The following WFDC1 variants were observed in gnomAD, a reference collection of about 807,000 sequenced individuals.
WFDC1 encodes WAP four-disulfide core domain protein 1.
In WFDC1, 39 loss-of-function variants were observed where a neutral mutation model predicts 32.9. The ratio of observed to expected loss-of-function variants is 1.19; its 90% CI spans 0.92 to 1.55. WFDC1 has a LOEUF of 1.55. Among genes scored for constraint, WFDC1 ranks in the 40% most tolerant of loss-of-function variants. The pLI is 0.00. For synonymous variants in WFDC1, 184 were observed against 137.4 expected (o/e 1.34, Z -2.37); for missense variants, 386 against 309.5 (o/e 1.25, Z -1.85).
At chr16:84,319,674 C>A in intron 4 of WFDC1, 103 bp downstream of exon 4, 1 of 1,482,978 alleles carries the variant, frequency 6.7e-7, no homozygotes, top group Non-Finnish European at 9.0e-7. Context: ...GAAGCAGCCC[C>A]AGCACCTGGG....
intron 1 of WFDC1, 77 bp downstream of exon 1, chr16:84,295,192 A>G (rs1906520905): frequency 6.4e-7 from 1 of 1,555,688 alleles, no homozygotes; most frequent in Non-Finnish European, 8.7e-7. Flanking sequence ...ATCCCTAGAC[A>G]CTGCCTTCTC....
At chr16:84,298,592 C>T (rs1034237369) in intron 1 of WFDC1, among the ~76,000 whole-genome samples, 2 of 152,150 alleles carry the variant, frequency 1.3e-5, no homozygotes, top group African/African-American at 2.4e-5. Context: ...AGTATTTACA[C>T]CTTGGAAATT....
Position 84,326,910 on chromosome 16 carries a change from TG to T in WFDC1, c.635del (p.Gly212GlufsTer16). On this transcript the variant is annotated frameshift_variant, in exon 6 of 7. Transcript: ENST00000219454. LOFTEE classifies it high-confidence loss of function. ...GTGACTCAAAGAATGTGGCAGAACC[TG>T]GAAGGGGACAACAGAAGCACTTTCA... is the stretch of plus-strand genomic sequence containing the variant. Reference protein sequence around the residue: ...EGDSKNVAEPGRGQQKHFQ With the variant: ...EGDSKNVAEPXRGQQKHFQ 1 of 1,614,016 alleles carries T rather than the reference TG, an allele frequency of 6.2e-7. No homozygotes were observed. Among genetic ancestry groups the T allele is most frequent in the Non-Finnish European group, 8.5e-7 (1 of 1,180,002 alleles).
chr16:84,299,205 A>G (rs1004323436), intron 1 of WFDC1, among the ~76,000 whole-genome samples: 2 of 150,750 alleles, frequency 1.3e-5, no homozygotes, highest in Non-Finnish European at 2.9e-5. Context: ...TACTAAAAAT[A>G]CAAAAAAAAT....
rs775797257 is a variant in WFDC1, at chr16:84,295,114, G to A, written c.143G>A (p.Arg48His). Residue 48 changes from arginine (R) to histidine (H), a missense_variant and splice_region_variant, in exon 1 of 7, where the codon CGT becomes CAT. By Grantham distance (29) the Arg-to-His change is conservative. Transcript: ENST00000219454. ...ALPARLAEKS[R>H]AEEAGAPGGP... ...CCTGCGAGGCTGGCCGAGAAATCCC[G>A]TGTAAGTGCCTGGGATGGGGAGGCT... 14 of 1,613,644 alleles carry A rather than the reference G, an allele frequency of 8.7e-6. No individual in the cohort carries two copies. The highest frequency in any genetic ancestry group is 3.3e-5 in the Admixed American group (2 of 59,990).
At chr16:84,308,094 G>A (rs747329070) in intron 1 of WFDC1, among the ~76,000 whole-genome samples, 7 of 152,166 alleles carry the variant, frequency 4.6e-5, no homozygotes, top group African/African-American at 1.7e-4. Context: ...TAAAAAGAAG[G>A]GTTCTCTGGG....
At chr16:84,303,478 TAAAA>T (rs34066941) in intron 1 of WFDC1, among the ~76,000 whole-genome samples, 2 of 142,410 alleles carry the variant, frequency 1.4e-5, no homozygotes, top group East Asian at 4.2e-4. Context: ...ATGTTTACTG[TAAAA>T]AAAAAAAAAA....
intron 1 of WFDC1, chr16:84,295,800 C>T (rs553725431): frequency 1.3e-5 from 2 of 152,440 alleles, no homozygotes; most frequent in South Asian, 2.1e-4. Flanking sequence ...AGCTGCTTGA[C>T]GTCTCTGAAC....
intron 3 of WFDC1, chr16:84,319,028 T>C: frequency 4.4e-6 from 1 of 227,328 alleles, no homozygotes. Context: ...TGTGCAGGAT[T>C]TGTGTGTGGG....
intron 1 of WFDC1, among the ~76,000 whole-genome samples, chr16:84,310,146 G>T (rs1907525626): frequency 6.6e-6 from 1 of 151,974 alleles, no homozygotes; most frequent in African/African-American, 2.4e-5. Context: ...AAATGCGATG[G>T]CGGATTTCTA....
intron 1 of WFDC1, among the ~76,000 whole-genome samples, chr16:84,299,680 T>G (rs950382621): frequency 7.2e-5 from 11 of 152,168 alleles, no homozygotes; most frequent in African/African-American, 2.7e-4. Context: ...GCCTCGGTGC[T>G]ATGCAGCCCC....
intron 1 of WFDC1, among the ~76,000 whole-genome samples, chr16:84,296,119 G>C (rs1259061397): frequency 6.6e-6 from 1 of 152,192 alleles, no homozygotes; most frequent in African/African-American, 2.4e-5. Flanking sequence ...CGCAGGGACG[G>C]AGTGAGCCAG....
At chr16:84,300,066 C>T (rs1260688075) in intron 1 of WFDC1, among the ~76,000 whole-genome samples, 2 of 152,194 alleles carry the variant, frequency 1.3e-5, no homozygotes, top group Non-Finnish European at 2.9e-5. Context: ...TTATTTTTTG[C>T]TGAGATAGCA....
intron 1 of WFDC1, among the ~76,000 whole-genome samples, chr16:84,305,809 C>T (rs1488620209): frequency 6.6e-6 from 1 of 151,618 alleles, no homozygotes; most frequent in Non-Finnish European, 1.5e-5. Flanking sequence ...CAAGACCATC[C>T]TGGGCAACAA....
chr16:84,319,249 T>G, intron 3 of WFDC1, 182 bp from the exon 4 acceptor site: 1 of 694,830 alleles, frequency 1.4e-6, no homozygotes, highest in South Asian at 2.0e-5. Flanking sequence ...TGTGCACGTG[T>G]GCCACATGCC....
At chr16:84,326,798 A>C (rs964251421) in intron 5 of WFDC1, 84 bp from the exon 6 acceptor site, 10 of 1,553,208 alleles carry the variant, frequency 6.4e-6, no homozygotes, top group African/African-American at 5.5e-5. Flanking sequence ...ACCAGGCTTC[A>C]TTTGGCAGTT....
chr16:84,320,741 CT>C (rs914776338), intron 4 of WFDC1, among the ~76,000 whole-genome samples: 15 of 152,184 alleles, frequency 9.9e-5, no homozygotes, highest in Non-Finnish European at 2.2e-4. Context: ...CCAGGGGCCC[CT>C]GTCCCCGCTT....
At chr16:84,318,392 C>A (rs747768590) in intron 3 of WFDC1, 37 bp downstream of exon 3, 3 of 1,596,908 alleles carry the variant, frequency 1.9e-6, no homozygotes, top group Non-Finnish European at 2.6e-6. Context: ...TACATCCAAG[C>A]CTCGATCCCT....
At chr16:84,324,665 T>A (rs1908484760) in intron 5 of WFDC1, among the ~76,000 whole-genome samples, 4 of 152,196 alleles carry the variant, frequency 2.6e-5, no homozygotes, top group Admixed American at 2.6e-4. Context: ...AAACATGACC[T>A]CATGCTGAAG....
Sources: gnomAD v4.1 joint callset for allele counts (sites outside exome capture counted in the v4.1 genomes callset) on GRCh38, gnomAD v4.1.1 for gene constraint, MANE v1.5 for transcripts, NCBI Gene and HGNC (gene_info 2026-07-23, HGNC 2026-07-21) for gene names.